ST6GALNAC2: variants seen among roughly 807,000 people sequenced by gnomAD.
ST6GALNAC2 encodes ST6 N-acetylgalactosaminide alpha-2,6-sialyltransferase 2.
ST6GALNAC2 carries 42 observed loss-of-function variants against 38.7 expected under a neutral mutation model. The observed-to-expected ratio is 1.09, with a 90% confidence interval of 0.85 to 1.40. The LOEUF (loss-of-function observed/expected upper bound fraction) is 1.40. ST6GALNAC2 is among the 40% of genes most tolerant of loss of function. The pLI, the probability that ST6GALNAC2 is intolerant of heterozygous loss-of-function variation, is 0.00. For synonymous variants in ST6GALNAC2, 233 were observed against 209.0 expected (o/e 1.11, Z -0.99); for missense variants, 506 against 481.7 (o/e 1.05, Z -0.47).
In ST6GALNAC2 at chr17:76,565,838, T is replaced by C. The variant is rs1408116596; in HGVS notation, c.*266A>G. On this transcript the variant is annotated 3_prime_UTR_variant, in exon 9 of 9. Transcript: ENST00000225276. ...AACACTCCACCGACATTTCCTAAAG[T>C]TGCTCAGTGCCAATCCAGCAAAGCA... is the stretch of plus-strand genomic sequence containing the variant. 5.3e-6 allele frequency: 2 copies of C among 377,418 alleles called. No individual in the cohort carries two copies. Among genetic ancestry groups the C allele is most frequent in the Non-Finnish European group, 9.6e-6 (2 of 208,570 alleles). 23.4% of individuals were successfully genotyped at this position (377,418 alleles called of 1,614,324 possible). A position where few individuals can be genotyped will look rare whatever the true frequency, so the allele number is the denominator to read the frequency against.
chr17:76,574,673 G>GC, intron 2 of ST6GALNAC2, 134 bp from the exon 3 acceptor site: 1 of 714,690 alleles, frequency 1.4e-6, no homozygotes. Context: ...GGCCATCCTT[G>GC]CATTTTTTTT....
chr17:76,568,473 T>G, intron 7 of ST6GALNAC2: 1 of 576,660 alleles, frequency 1.7e-6, no homozygotes. Flanking sequence ...TAAACCTCCT[T>G]GAGTTATCCT....
At chr17:76,571,783 C>T (rs2075356793) in intron 5 of ST6GALNAC2, among the ~76,000 whole-genome samples, 1 of 152,166 alleles carries the variant, frequency 6.6e-6, no homozygotes, top group South Asian at 2.1e-4. Flanking sequence ...CTGAGATCCC[C>T]TAACCCTGTG....
At chr17:76,583,709 T>G (rs888165513) in intron 1 of ST6GALNAC2, among the ~76,000 whole-genome samples, 9 of 151,626 alleles carry the variant, frequency 5.9e-5, no homozygotes, top group South Asian at 2.1e-4. Context: ...GGACGTCACA[T>G]GCAGAGTGGG....
chr17:76,584,796 G>A (rs1290118628), intron 1 of ST6GALNAC2, among the ~76,000 whole-genome samples: 1 of 152,244 alleles, frequency 6.6e-6, no homozygotes, highest in Non-Finnish European at 1.5e-5. Context: ...GGTTGGTAGG[G>A]GGTGCGCAGA....
rs2075274992 is a variant in ST6GALNAC2, at chr17:76,565,923, A to AC, written c.*180_*181insG. The AC allele has an allele frequency of 1.7e-6, 1 of 605,936 alleles. No homozygotes were observed. Among genetic ancestry groups the AC allele is most frequent in the Admixed American group, 3.2e-5 (1 of 31,222 alleles). 37.5% of individuals were successfully genotyped at this position (605,936 alleles called of 1,614,324 possible). A position where few individuals can be genotyped will look rare whatever the true frequency, so the allele number is the denominator to read the frequency against. ...GTTTTAGATACAGAAGAGTTCTTGG[A>AC]TGAGCCAAGGACAAGCTGGGGTGTC... is the stretch of plus-strand genomic sequence containing the variant. On this transcript the variant is annotated 3_prime_UTR_variant, in exon 9 of 9. Coordinates refer to ENST00000225276, the MANE Select transcript of ST6GALNAC2 (RefSeq NM_006456.3).
intron 2 of ST6GALNAC2, among the ~76,000 whole-genome samples, chr17:76,574,930 C>T (rs2075398790): frequency 6.6e-6 from 1 of 152,090 alleles, no homozygotes; most frequent in South Asian, 2.1e-4. Flanking sequence ...CCCGCCTCGG[C>T]CTCCCAAAGT....
At chr17:76,580,494 G>C (rs193071088) in intron 1 of ST6GALNAC2, among the ~76,000 whole-genome samples, 36 of 152,128 alleles carry the variant, frequency 2.4e-4, no homozygotes, top group Admixed American at 2.0e-3. Flanking sequence ...AGGAGATCGA[G>C]ACCATCCTGG....
chr17:76,572,867 G>T, intron 4 of ST6GALNAC2, 92 bp from the exon 5 acceptor site: 1 of 1,479,504 alleles, frequency 6.8e-7, no homozygotes, highest in Non-Finnish European at 9.3e-7. Flanking sequence ...CTATCCCCCT[G>T]CCTCTGTATG....
chr17:76,583,375 C>CAAAAAAAAAAAAAAAA (rs71158028), intron 1 of ST6GALNAC2, among the ~76,000 whole-genome samples: 4 of 97,524 alleles, frequency 4.1e-5, no homozygotes, highest in African/African-American at 7.7e-5. Context: ...GACTCTGTCC[C>CAAAAAAAAAAAAAAAA]AAAAAAAAAA....
rs2075331270 is a variant in ST6GALNAC2 at position 76,569,734 on chromosome 17, GA to G, written c.773+830del. The G allele has an allele frequency of 1.1e-5, 3 of 268,336 alleles. No individual in the cohort carries two copies. The East Asian group carries it at 1.7e-4, about 15-fold the overall frequency. The allele number at this position is 268,336 out of a possible 1,614,324, so 16.6% of individuals were successfully genotyped here. A position where few individuals can be genotyped will look rare whatever the true frequency, so the allele number is the denominator to read the frequency against. On this transcript the variant is annotated intron_variant, in intron 6 of 8. Coordinates refer to ENST00000225276, the MANE Select transcript of ST6GALNAC2 (RefSeq NM_006456.3). ...CCAGCGTGTCACAAAGCCCAGCTCA[GA>G]CCAGCAGTGGAAGCAATTGTTGGGT...
intron 1 of ST6GALNAC2, among the ~76,000 whole-genome samples, chr17:76,579,971 C>T (rs893972871): frequency 6.6e-6 from 1 of 152,216 alleles, no homozygotes; most frequent in Non-Finnish European, 1.5e-5. Context: ...GGGTTTGCAA[C>T]CTGTCTCCAC....
At chr17:76,567,383 A>G (rs2075297724) in intron 8 of ST6GALNAC2, 70 bp downstream of exon 8, 1 of 1,135,044 alleles carries the variant, frequency 8.8e-7, no homozygotes, top group African/African-American at 1.5e-5. Context: ...AAGGGATATC[A>G]GGGGATCCTG....
At position 76,574,357 on chromosome 17, in the gene ST6GALNAC2, C is replaced by G; in HGVS notation, c.361+8G>C. On this transcript the variant is annotated splice_region_variant and intron_variant, in intron 3 of 8. Transcript: ENST00000225276. ...GAAGGCAGGTGAGAGACAGCGGGCG[C>G]GGGTTACCTTGGTGAGAGAGCCCCC... The G allele has an allele frequency of 1.2e-6, 2 of 1,609,122 alleles. No individual in the cohort carries two copies. Among genetic ancestry groups the G allele is most frequent in the Non-Finnish European group, 1.7e-6 (2 of 1,177,122 alleles).
rs747562975 is a variant in ST6GALNAC2 at position 76,567,435 on chromosome 17, G to T, written c.957+18C>A. 6.3e-7 allele frequency: 1 copy of T among 1,587,930 alleles called. No individual in the cohort carries two copies. The stretch of plus-strand genomic sequence containing the variant: ...TGTGTTCTGCCGGCATGGGCTTCTG[G>T]AAGAGAAGGCCTCTTACCTGGTCAC... On this transcript the variant is annotated intron_variant, in intron 8 of 8. Transcript: ENST00000225276.
intron 6 of ST6GALNAC2, 194 bp from the exon 7 acceptor site, chr17:76,568,990 A>G: frequency 2.4e-6 from 1 of 416,792 alleles, no homozygotes; most frequent in Non-Finnish European, 4.4e-6. Flanking sequence ...CTTCCCGCTC[A>G]CCAGGACCTC....
At chr17:76,583,047 C>G (rs764686068) in intron 1 of ST6GALNAC2, among the ~76,000 whole-genome samples, 2 of 152,096 alleles carry the variant, frequency 1.3e-5, no homozygotes, top group African/African-American at 4.8e-5. Context: ...CTATTAGATA[C>G]CCTGAAACAA....
chr17:76,585,851 C>T lies in ST6GALNAC2; in HGVS notation c.-43G>A. On this transcript the variant is annotated 5_prime_UTR_variant, in exon 1 of 9. Coordinates refer to ENST00000225276, the MANE Select transcript of ST6GALNAC2 (RefSeq NM_006456.3). ...GCGCCCCGTCCGCTGACGTCCCAGG[C>T]AGAAGGGAGAGAACCGGGTGGGCCG... 1.3e-6 allele frequency: 2 copies of T among 1,510,858 alleles called. No homozygotes were observed. Among genetic ancestry groups the T allele is most frequent in the South Asian group, 2.5e-5 (2 of 81,208 alleles). 93.6% of individuals were successfully genotyped at this position (1,510,858 alleles called of 1,614,324 possible).
intron 1 of ST6GALNAC2, among the ~76,000 whole-genome samples, chr17:76,581,762 C>T (rs979135092): frequency 1.3e-5 from 2 of 152,214 alleles, no homozygotes; most frequent in Non-Finnish European, 2.9e-5. Context: ...CCTGCACATG[C>T]CCTTCTGGGA....
Sources: gnomAD v4.1 joint callset for allele counts (sites outside exome capture counted in the v4.1 genomes callset) on GRCh38, gnomAD v4.1.1 for gene constraint, MANE v1.5 for transcripts, NCBI Gene and HGNC (gene_info 2026-07-23, HGNC 2026-07-21) for gene names.